Variants in DNAH3 observed in about 807,000 individuals in gnomAD.
DNAH3 encodes the protein dynein axonemal heavy chain 3.
Under a neutral mutation model 432.5 loss-of-function variants are expected in DNAH3, and 332 were observed. That is an observed-to-expected ratio of 0.77 (90% confidence interval 0.70 to 0.84). The LOEUF (loss-of-function observed/expected upper bound fraction) is 0.84. Among genes scored for constraint, DNAH3 ranks in the 40% least tolerant of loss-of-function variants. DNAH3 has a pLI of 0.00. For missense variants in DNAH3, 4,861 were observed against 5,114.0 expected (o/e 0.95, Z 1.51); for synonymous variants, 1,956 against 1,900.2 (o/e 1.03, Z -0.76).
chr16:20,959,173 T>A lies in DNAH3; in HGVS notation c.10826+6A>T, dbSNP rs757943247. 2 of 1,613,820 alleles carry A rather than the reference T, an allele frequency of 1.2e-6. No homozygotes were observed. Among genetic ancestry groups the A allele is most frequent in the East Asian group, 4.5e-5 (2 of 44,890 alleles). ...CAGAGAAGGCAGTGGTGGGACAGCA[T>A]CTCACCTGAATCTGGCATTGGTGCT... On this transcript the variant is annotated splice_donor_region_variant and intron_variant, in intron 54 of 61. Coordinates refer to ENST00000261383, the Ensembl canonical transcript of DNAH3.
At position 21,019,616 on chromosome 16, in the gene DNAH3, T is replaced by C. The variant is rs761174764; in HGVS notation, c.6022+8A>G. ...ATACTAGAACATAACAAACAGGTTC[T>C]AAATTACCTCTTTCTGGAAAGATGT... is the stretch of plus-strand genomic sequence containing the variant. On this transcript the variant is annotated splice_region_variant and intron_variant, in intron 41 of 61. Coordinates refer to ENST00000261383, the Ensembl canonical transcript of DNAH3. 1.9e-6 allele frequency: 3 copies of C among 1,614,100 alleles called. No homozygotes were observed. The highest frequency in any genetic ancestry group is 2.5e-6 in the Non-Finnish European group (3 of 1,179,988).
At chr16:21,054,525 T>C in exon 28 of DNAH3, 1 of 1,613,894 alleles carries the variant, frequency 6.2e-7, no homozygotes, top group Middle Eastern at 1.6e-4. Context: ...TTGCTCTTTT[T>C]CAGAAAATCC....
intron 49 of DNAH3, among the ~76,000 whole-genome samples, chr16:20,980,300 ATAT>A (rs1344552926): frequency 7.7e-5 from 11 of 142,708 alleles, no homozygotes; most frequent in African/African-American, 1.3e-4. Context: ...TATACATCAT[ATAT>A]TATATTATAT....
chr16:20,988,578 T>C (rs2086340566), intron 44 of DNAH3, among the ~76,000 whole-genome samples: 1 of 152,166 alleles, frequency 6.6e-6, no homozygotes, highest in Non-Finnish European at 1.5e-5. Flanking sequence ...GTGCTGTGAT[T>C]GCAGGCATGA....
chr16:21,146,376 T>C (rs1406341155), intron 1 of DNAH3, among the ~76,000 whole-genome samples: 1 of 152,100 alleles, frequency 6.6e-6, no homozygotes, highest in African/African-American at 2.4e-5. Flanking sequence ...ACCAATATGG[T>C]GAAACCCTGT....
At position 20,954,843 on chromosome 16, in the gene DNAH3, C is replaced by CA. The variant is rs2084487591; in HGVS notation, c.11040dup (p.Val3681CysfsTer17). ...GGGCCGAAGTTTCTTCTCTCTTGAACAACGGCGTGGAAGAAACAAAGGCCA... is the reference window on the plus strand; with the variant it reads ...GGGCCGAAGTTTCTTCTCTCTTGAACAAACGGCGTGGAAGAAACAAAGGCCA... On this transcript the variant is annotated frameshift_variant, in exon 55 of 62. Transcript: ENST00000261383. LOFTEE classifies it high-confidence loss of function. The CA allele has an allele frequency of 1.2e-6, 2 of 1,614,034 alleles. No homozygotes were observed.
rs1034093957 is a variant in DNAH3, at chr16:20,964,721, G to T, written c.9163C>A (p.Gln3055Lys). ...GAGTCAACGGGAAGCCCAGCAATCT[G>T]CCAGGCACGGATTTTTATGGGATCC... Residue 3055 changes from glutamine to lysine, a missense_variant, in exon 53 of 62, where the codon CAG becomes AAG. Transcript: ENST00000261383. The T allele has an allele frequency of 2.1e-5, 34 of 1,613,974 alleles. No homozygotes were observed. Among genetic ancestry groups the T allele is most frequent in the Admixed American group, 2.0e-4 (12 of 59,992 alleles).
exon 37 of DNAH3, chr16:21,031,051 A>G: frequency 6.2e-7 from 1 of 1,614,114 alleles, no homozygotes; most frequent in Non-Finnish European, 8.5e-7. Context: ...TTACCTTTTT[A>G]TTGTCATCCA....
intron 21 of DNAH3, among the ~76,000 whole-genome samples, 177 bp from the exon 22 acceptor site, chr16:21,071,003 G>A (rs2090760264): frequency 6.6e-6 from 1 of 151,998 alleles, no homozygotes; most frequent in Non-Finnish European, 1.5e-5. Context: ...TCCTGCCTCA[G>A]CCTCCCAAGT....
At chr16:21,134,284 T>C in exon 7 of DNAH3, 1 of 1,612,972 alleles carries the variant, frequency 6.2e-7, no homozygotes, top group Non-Finnish European at 8.5e-7. Flanking sequence ...TCTTTCAGCC[T>C]GAGCATCATG....
Position 21,140,265 on chromosome 16 carries a change from T to C in DNAH3, c.696+271A>G, listed in dbSNP as rs569634801. ...CTGGCACCCCCAGCCTATGGGCCAC[T>C]ATTTTTGCAACTTATATTCTAAAAG... On this transcript the variant is annotated intron_variant, in intron 5 of 61. Coordinates refer to ENST00000261383, the Ensembl canonical transcript of DNAH3. The C allele has an allele frequency of 1.1e-3, 298 of 282,372 alleles. 2 individuals carry two copies. The highest frequency in any genetic ancestry group is 7.5e-3 in the Middle Eastern group (7 of 930). 17.5% of individuals were successfully genotyped at this position (282,372 alleles called of 1,614,324 possible). A position where few individuals can be genotyped will look rare whatever the true frequency, so the allele number is the denominator to read the frequency against.
At position 20,968,315 on chromosome 16, in the gene DNAH3, C is replaced by T. The variant is rs370353818; in HGVS notation, c.8458+1477G>A. On this transcript the variant is annotated intron_variant, in intron 52 of 61. Coordinates refer to ENST00000261383, the Ensembl canonical transcript of DNAH3. ...AACTCCTGGGCTCAAGTGATCCACCCACCTCAGCCTCCCAAAGTGCTGGGA... is the reference window on the plus strand; with the variant it reads ...AACTCCTGGGCTCAAGTGATCCACCTACCTCAGCCTCCCAAAGTGCTGGGA... 3.3e-5 allele frequency among the ~76,000 whole-genome samples: 5 copies of T among 152,260 alleles called. No individual in the cohort carries two copies. In the East Asian group the frequency reaches 9.7e-4, roughly 29 times the overall value.
At chr16:20,974,960 A>T (rs2085515623) in intron 51 of DNAH3, among the ~76,000 whole-genome samples, 1 of 149,126 alleles carries the variant, frequency 6.7e-6, no homozygotes, top group South Asian at 2.1e-4. Context: ...CTCGGATTAC[A>T]GATGCACGCC....
At chr16:21,080,629 C>T (rs1288031650) in intron 20 of DNAH3, among the ~76,000 whole-genome samples, 1 of 152,194 alleles carries the variant, frequency 6.6e-6, no homozygotes, top group African/African-American at 2.4e-5. Flanking sequence ...CTGCAGGGCC[C>T]ATCTGCAGAA....
At chr16:21,147,136 G>C (rs1025408368) in intron 1 of DNAH3, among the ~76,000 whole-genome samples, 4 of 151,702 alleles carry the variant, frequency 2.6e-5, no homozygotes, top group African/African-American at 9.7e-5. Flanking sequence ...TTTTTCCCCC[G>C]TGGAAGAGCC....
chr16:20,971,724 G>C (rs1172690984), intron 51 of DNAH3, among the ~76,000 whole-genome samples: 1 of 152,198 alleles, frequency 6.6e-6, no homozygotes. Context: ...ACAAGTCGCT[G>C]TTTGGCCTGA....
intron 27 of DNAH3, among the ~76,000 whole-genome samples, chr16:21,055,108 A>G (rs76840988): frequency 2.0e-5 from 3 of 152,164 alleles, no homozygotes; most frequent in Non-Finnish European, 2.9e-5. Context: ...AAAAAAAAAA[A>G]AGACAGTAGG....
intron 41 of DNAH3, among the ~76,000 whole-genome samples, chr16:21,013,368 A>G (rs190565353): frequency 6.6e-6 from 1 of 152,238 alleles, no homozygotes; most frequent in Non-Finnish European, 1.5e-5. Context: ...CTGTTAAAAA[A>G]AAAAAATTGA....
intron 18 of DNAH3, among the ~76,000 whole-genome samples, chr16:21,088,785 G>C (rs909088793): frequency 3.9e-5 from 6 of 152,098 alleles, no homozygotes; most frequent in African/African-American, 1.4e-4. Context: ...AAATTCTAGG[G>C]TCCTGTCCAG....
Sources: allele counts gnomAD v4.1 joint callset (sites outside exome capture counted in the v4.1 genomes callset), GRCh38; gene constraint gnomAD v4.1.1; transcripts MANE v1.5; gene names NCBI Gene and HGNC (gene_info 2026-07-23, HGNC 2026-07-21).